The following TBC1D8 variants were observed in gnomAD, a reference collection of about 807,000 sequenced individuals.
TBC1D8 encodes TBC1 domain family member 8.
Under a neutral mutation model 118.8 loss-of-function variants are expected in TBC1D8, and 65 were observed. The observed-to-expected ratio is 0.55, with a 90% CI of 0.45 to 0.67. The LOEUF is 0.67. Ranked by LOEUF, TBC1D8 falls within the 30% of genes least tolerant of loss-of-function variation. The pLI is 0.00. For missense variants in TBC1D8, 1,376 were observed against 1,471.2 expected (o/e 0.94, Z 1.06); for synonymous variants, 566 against 595.8 (o/e 0.95, Z 0.73).
chr2:101,059,370 A>G, intron 3 of TBC1D8, 51 bp downstream of exon 3: 1 of 1,447,782 alleles, frequency 6.9e-7, no homozygotes, highest in Non-Finnish European at 9.7e-7. Flanking sequence ...GGAATGTCTT[A>G]AGGAAGAAAG....
intron 2 of TBC1D8, among the ~76,000 whole-genome samples, chr2:101,070,566 C>T (rs776176575): frequency 2.0e-5 from 3 of 152,192 alleles, no homozygotes; most frequent in Admixed American, 2.0e-4. Flanking sequence ...GTGCCCACCA[C>T]CATGCCCTGC....
chr2:101,098,203 A>C (rs1448990150), intron 1 of TBC1D8, among the ~76,000 whole-genome samples: 10 of 152,100 alleles, frequency 6.6e-5, no homozygotes, highest in Admixed American at 6.6e-4. Context: ...GACCAGCTTG[A>C]CCAACATGGT....
intron 1 of TBC1D8, among the ~76,000 whole-genome samples, chr2:101,099,581 T>A (rs923561623): frequency 6.6e-6 from 1 of 152,094 alleles, no homozygotes; most frequent in Non-Finnish European, 1.5e-5. Flanking sequence ...CAGACCAATA[T>A]CCCTGATGAG....
At chr2:101,065,330 G>A (rs1048331661) in intron 2 of TBC1D8, among the ~76,000 whole-genome samples, 3 of 152,192 alleles carry the variant, frequency 2.0e-5, no homozygotes, top group African/African-American at 7.2e-5. Context: ...CTGTCTAAAT[G>A]CCTGGGCTAA....
chr2:101,129,588 T>C (rs1028394942), intron 1 of TBC1D8, among the ~76,000 whole-genome samples: 7 of 152,078 alleles, frequency 4.6e-5, no homozygotes, highest in Non-Finnish European at 8.8e-5. Flanking sequence ...AACACCCACA[T>C]TTCAGGGGTT....
chr2:101,074,703 G>A (rs1032428094), intron 2 of TBC1D8, among the ~76,000 whole-genome samples: 1 of 152,042 alleles, frequency 6.6e-6, no homozygotes, highest in Non-Finnish European at 1.5e-5. Context: ...AAACAATTAT[G>A]GGAACATTGT....
rs764939070 is a variant in TBC1D8 at position 101,011,446 on chromosome 2, C to T, written c.2917+5G>A. ...GGGAAAGCAACAATGAAAAGAGGTA[C>T]GTGCCATTGGGTTTCCCGAAAACCA... On this transcript the variant is annotated splice_donor_5th_base_variant and intron_variant, in intron 18 of 19. Transcript: ENST00000409318. The T allele has an allele frequency of 5.6e-6, 9 of 1,613,638 alleles. No individual in the cohort carries two copies. Among genetic ancestry groups the T allele is most frequent in the African/African-American group, 4.0e-5 (3 of 74,892 alleles).
chr2:101,134,240 T>G (rs1411423643), intron 1 of TBC1D8, among the ~76,000 whole-genome samples: 1 of 144,038 alleles, frequency 6.9e-6, no homozygotes, highest in East Asian at 2.1e-4. Context: ...CACACAGACT[T>G]TCTAATGATC....
intron 15 of TBC1D8, among the ~76,000 whole-genome samples, chr2:101,024,274 TTTAAA>T (rs1680208387): frequency 6.6e-6 from 1 of 152,260 alleles, no homozygotes; most frequent in East Asian, 1.9e-4. Flanking sequence ...AGAAAACAAG[TTTAAA>T]TTAAAATGAA....
In TBC1D8 at chr2:101,015,932, T is replaced by C. The variant is rs551054661; in HGVS notation, c.2828-4392A>G. 3.9e-3 allele frequency among the ~76,000 whole-genome samples: 596 copies of C among 151,938 alleles called. 7 individuals carry two copies. The highest frequency in any genetic ancestry group is 0.013 in the African/African-American group (559 of 41,424). On this transcript the variant is annotated intron_variant, in intron 17 of 19. Transcript: ENST00000409318. ...TATACAAAAATTAATTCAAGATGGA[T>C]TAAAGACTTAAACGTTAGACCTAAA...
intron 18 of TBC1D8, 50 bp downstream of exon 18, chr2:101,011,401 G>C: frequency 6.4e-7 from 1 of 1,571,024 alleles, no homozygotes; most frequent in Non-Finnish European, 8.8e-7. Flanking sequence ...GGTGCCTCCC[G>C]CCACTGCAGT....
chr2:101,037,162 G>A (rs1300867537), intron 8 of TBC1D8, among the ~76,000 whole-genome samples: 1 of 152,172 alleles, frequency 6.6e-6, no homozygotes, highest in Admixed American at 6.5e-5. Flanking sequence ...TAGAAGACTG[G>A]TGACCTCTTC....
chr2:101,026,964 T>C (rs1208481134), intron 15 of TBC1D8, among the ~76,000 whole-genome samples: 2 of 152,164 alleles, frequency 1.3e-5, no homozygotes, highest in African/African-American at 4.8e-5. Flanking sequence ...TAGGAAAATA[T>C]GCATGCATGT....
rs188841187 is a variant in TBC1D8 at position 101,091,240 on chromosome 2, G to A, written c.128-876C>T. 1.7e-3 allele frequency among the ~76,000 whole-genome samples: 260 copies of A among 152,152 alleles called. 3 individuals are homozygous for A. The highest frequency in any genetic ancestry group is 3.7e-3 in the East Asian group (19 of 5,152). On this transcript the variant is annotated intron_variant, in intron 1 of 19. Coordinates refer to ENST00000409318, the MANE Select transcript of TBC1D8 (RefSeq NM_001330348.2). Reference sequence around the variant, plus strand: ...GTGGAGGTTGCAGCAAGCTGAGATCGCACCATTGCACTCCAGCCTGGGCAA... The same window carrying A: ...GTGGAGGTTGCAGCAAGCTGAGATCACACCATTGCACTCCAGCCTGGGCAA...
chr2:101,022,099 C>G (rs938558380), intron 16 of TBC1D8, among the ~76,000 whole-genome samples, 182 bp downstream of exon 16: 1 of 152,164 alleles, frequency 6.6e-6, no homozygotes, highest in Non-Finnish European at 1.5e-5. Context: ...CTCCCATCCC[C>G]CTTCAGAAAG....
chr2:101,076,281 A>G (rs1674810657), intron 2 of TBC1D8, among the ~76,000 whole-genome samples: 1 of 152,234 alleles, frequency 6.6e-6, no homozygotes, highest in African/African-American at 2.4e-5. Context: ...CCATAGAGAA[A>G]AAGTGAATTC....
chr2:101,107,044 T>C (rs1677268194), intron 1 of TBC1D8, among the ~76,000 whole-genome samples: 1 of 152,178 alleles, frequency 6.6e-6, no homozygotes, highest in Non-Finnish European at 1.5e-5. Flanking sequence ...TATTGGGATG[T>C]AACCCCATCG....
At chr2:101,107,703 C>T (rs1677312580) in intron 1 of TBC1D8, among the ~76,000 whole-genome samples, 1 of 152,170 alleles carries the variant, frequency 6.6e-6, no homozygotes, top group Non-Finnish European at 1.5e-5. Context: ...GGAGAAATGG[C>T]TGCTTCTGGA....
At chr2:101,012,723 C>T (rs1035866211) in intron 17 of TBC1D8, among the ~76,000 whole-genome samples, 1 of 152,030 alleles carries the variant, frequency 6.6e-6, no homozygotes, top group East Asian at 1.9e-4. Flanking sequence ...TAACAATTAT[C>T]GGGGATGACA....
Sources: allele counts gnomAD v4.1 joint callset (sites outside exome capture counted in the v4.1 genomes callset), GRCh38; gene constraint gnomAD v4.1.1; transcripts MANE v1.5; gene names NCBI Gene and HGNC (gene_info 2026-07-23, HGNC 2026-07-21).